The following PAN3 variants were observed in gnomAD, a reference collection of about 807,000 sequenced individuals.
PAN3 encodes the protein poly(A) specific ribonuclease subunit PAN3, also known as PAN2-PAN3 deadenylation complex subunit PAN3.
Under a neutral mutation model 96.2 loss-of-function variants are expected in PAN3, and 19 were observed. That is an observed-to-expected ratio of 0.20 (90% CI 0.14 to 0.29). PAN3 has a LOEUF of 0.29. PAN3 is among the 10% of genes least tolerant of loss of function. The pLI is 1.00. For synonymous variants in PAN3, 433 were observed against 406.6 expected, an observed-to-expected ratio of 1.06 and a Z score of -0.78; for missense variants, 882 against 1,108.1, an observed-to-expected ratio of 0.80 and a Z score of 2.90.
chr13:28,218,588 A>G lies in PAN3; in HGVS notation c.853-1643A>G, dbSNP rs115711471. Reference sequence around the variant, plus strand: ...TAATTTTAATAACTTCCACTCGTACATATTTGGAGGTCCTTTATAATTTGT... The same window carrying G: ...TAATTTTAATAACTTCCACTCGTACGTATTTGGAGGTCCTTTATAATTTGT... On this transcript the variant is annotated intron_variant, in intron 5 of 18. Transcript: ENST00000380958. Among the ~76,000 whole-genome samples the G allele has an allele frequency of 4.0e-3, 606 of 152,288 alleles. 6 individuals carry two copies. The highest frequency in any genetic ancestry group is 0.014 in the African/African-American group (581 of 41,564).
intron 4 of PAN3, among the ~76,000 whole-genome samples, chr13:28,183,394 T>C (rs1044285992): frequency 2.0e-5 from 3 of 152,210 alleles, no homozygotes; most frequent in African/African-American, 7.2e-5. Flanking sequence ...TCCAAATTAA[T>C]GCCCTCAGAA....
At chr13:28,280,285 A>C in intron 15 of PAN3, 127 bp from the exon 16 acceptor site, 9 of 1,126,246 alleles carry the variant, frequency 8.0e-6, no homozygotes, top group Non-Finnish European at 1.1e-5. Flanking sequence ...CTTGACTTGC[A>C]TGAATTAAAA....
chr13:28,275,406 G>T (rs1392569161), intron 14 of PAN3, among the ~76,000 whole-genome samples: 2 of 152,082 alleles, frequency 1.3e-5, no homozygotes, highest in African/African-American at 4.8e-5. Context: ...CTGGGAGGGA[G>T]GCTTAATACA....
intron 10 of PAN3, 47 bp from the exon 11 acceptor site, chr13:28,267,048 A>C (rs769745664): frequency 4.7e-6 from 7 of 1,495,654 alleles, no homozygotes; most frequent in Non-Finnish European, 6.4e-6. Context: ...TGGAATATGA[A>C]GGAGACGTCA....
intron 6 of PAN3, among the ~76,000 whole-genome samples, chr13:28,234,794 A>G (rs537032048): frequency 6.6e-6 from 1 of 152,194 alleles, no homozygotes; most frequent in Admixed American, 6.5e-5. Flanking sequence ...AGATTCTTGA[A>G]CAGGAAACCT....
chr13:28,281,167 T>G (rs1887443666), intron 16 of PAN3, 148 bp from the exon 17 acceptor site: 4 of 658,906 alleles, frequency 6.1e-6, no homozygotes, highest in Admixed American at 5.5e-5. Flanking sequence ...ATATTGTGTT[T>G]GTTTAAAAGT....
intron 1 of PAN3, among the ~76,000 whole-genome samples, chr13:28,171,411 G>A (rs1238593564): frequency 6.6e-6 from 1 of 152,144 alleles, no homozygotes; most frequent in Non-Finnish European, 1.5e-5. Context: ...AGTTAGTGCG[G>A]ACTCCAGAGG....
intron 6 of PAN3, among the ~76,000 whole-genome samples, chr13:28,234,905 G>T (rs1040531730): frequency 1.3e-5 from 2 of 151,848 alleles, no homozygotes; most frequent in African/African-American, 2.4e-5. Context: ...TGCCATCATA[G>T]CCGCTTCCAT....
chr13:28,170,960 C>G (rs562098175), intron 1 of PAN3, among the ~76,000 whole-genome samples: 6 of 152,214 alleles, frequency 3.9e-5, no homozygotes, highest in African/African-American at 1.2e-4. Context: ...CCATGCCTGG[C>G]TAATTTTGTA....
chr13:28,254,417 G>A (rs1044023234), intron 6 of PAN3, among the ~76,000 whole-genome samples: 3 of 152,146 alleles, frequency 2.0e-5, no homozygotes, highest in African/African-American at 7.2e-5. Flanking sequence ...TTGTAGTTCT[G>A]TTGTATTACT....
intron 1 of PAN3, among the ~76,000 whole-genome samples, chr13:28,149,572 A>G (rs541791047): frequency 2.6e-5 from 4 of 151,910 alleles, no homozygotes; most frequent in South Asian, 4.2e-4. Flanking sequence ...ATAAAATTAT[A>G]TTGTTATTGA....
chr13:28,197,437 A>C (rs1878192531), intron 5 of PAN3, 91 bp downstream of exon 5: 1 of 1,291,132 alleles, frequency 7.7e-7, no homozygotes, highest in Non-Finnish European at 1.1e-6. Flanking sequence ...AAAGGATTGG[A>C]TGACTTAGCT....
chr13:28,267,297 A>C lies in PAN3; in HGVS notation c.1691-3A>C, dbSNP rs778463950. On this transcript the variant is annotated splice_region_variant and splice_polypyrimidine_tract_variant and intron_variant, in intron 11 of 18. Transcript: ENST00000380958. Reference sequence around the variant, plus strand: ...GTAATGAGTGTTTGTGTTTTATTTTAAGCTCTTGTGTTTGCATATGATTTC... The same window carrying C: ...GTAATGAGTGTTTGTGTTTTATTTTCAGCTCTTGTGTTTGCATATGATTTC... 1.2e-6 allele frequency: 2 copies of C among 1,613,602 alleles called. No homozygotes were observed. The highest frequency in any genetic ancestry group is 3.3e-5 in the Admixed American group (2 of 59,992).
intron 17 of PAN3, among the ~76,000 whole-genome samples, chr13:28,284,602 G>T (rs1046649835): frequency 2.6e-5 from 4 of 151,932 alleles, no homozygotes; most frequent in Non-Finnish European, 5.9e-5. Context: ...AATTGTATAG[G>T]GTGTAAGGTG....
At chr13:28,244,622 T>C (rs1448282557) in intron 6 of PAN3, among the ~76,000 whole-genome samples, 2 of 152,182 alleles carry the variant, frequency 1.3e-5, no homozygotes, top group African/African-American at 4.8e-5. Flanking sequence ...TATGAGCCTC[T>C]ATCAAACATC....
At chr13:28,215,372 A>G (rs757205096) in intron 5 of PAN3, 2 of 751,644 alleles carry the variant, frequency 2.7e-6, no homozygotes, top group Non-Finnish European at 5.0e-6. Flanking sequence ...TCAACGTTAC[A>G]ACTGAAGTCT....
intron 4 of PAN3, among the ~76,000 whole-genome samples, chr13:28,184,198 T>C (rs980062065): frequency 6.6e-6 from 1 of 152,230 alleles, no homozygotes; most frequent in Non-Finnish European, 1.5e-5. Context: ...TGCAGACAGA[T>C]AGAAACTTGA....
intron 14 of PAN3, among the ~76,000 whole-genome samples, chr13:28,275,925 T>C (rs1159361176): frequency 6.6e-6 from 1 of 152,210 alleles, no homozygotes; most frequent in Non-Finnish European, 1.5e-5. Flanking sequence ...TTTGGATAAA[T>C]TTTTTAGTAT....
intron 1 of PAN3, among the ~76,000 whole-genome samples, chr13:28,161,324 C>T (rs997340179): frequency 1.3e-5 from 2 of 152,022 alleles, no homozygotes; most frequent in African/African-American, 4.8e-5. Context: ...CATGTCTTTC[C>T]CCTTAGCTTT....
Sources: allele counts gnomAD v4.1 joint callset (sites outside exome capture counted in the v4.1 genomes callset), GRCh38; gene constraint gnomAD v4.1.1; transcripts MANE v1.5; gene names NCBI Gene and HGNC (gene_info 2026-07-23, HGNC 2026-07-21).